The following ZNF445 variants were observed in gnomAD, a reference collection of about 807,000 sequenced individuals.
ZNF445 encodes the protein zinc finger protein 445, also known as zinc finger protein 168.
In ZNF445, 19 loss-of-function variants were observed where a neutral mutation model predicts 93.9. That is an observed-to-expected ratio of 0.20 (90% CI 0.14 to 0.30). The LOEUF (loss-of-function observed/expected upper bound fraction) is 0.30, where lower values mean the gene tolerates loss of function less well. Among genes scored for constraint, ZNF445 ranks in the 10% least tolerant of loss-of-function variants. ZNF445 has a pLI of 1.00. For synonymous variants in ZNF445, 449 were observed against 446.3 expected (o/e 1.01, Z -0.08); for missense variants, 1,058 against 1,259.4 (o/e 0.84, Z 2.42).
In ZNF445 at chr3:44,436,440, G is replaced by A. The variant is rs1697681110; in HGVS notation, c.*10135C>T. ...AGCATTTCCCACTGTAATGTGGCCT[G>A]TATAGAATATCTGGCACTCTCTACA... On this transcript the variant is annotated 3_prime_UTR_variant, in exon 8 of 8. Transcript: ENST00000396077. The A allele has an allele frequency of 6.6e-6, 1 of 152,200 alleles. No homozygotes were observed. The highest frequency in any genetic ancestry group is 2.1e-4 in the South Asian group (1 of 4,832). The allele number at this position is 152,200 out of a possible 1,614,324, so 9.4% of individuals were successfully genotyped here.
intron 3 of ZNF445, among the ~76,000 whole-genome samples, chr3:44,453,884 G>A (rs1289453093): frequency 6.6e-6 from 1 of 152,144 alleles, no homozygotes; most frequent in African/African-American, 2.4e-5. Context: ...ACAACTATGT[G>A]GCCACAGATG....
In ZNF445 at chr3:44,438,288, T is replaced by C. The variant is rs1697730202; in HGVS notation, c.*8287A>G. 6.6e-6 allele frequency: 1 copy of C among 151,852 alleles called. No homozygotes were observed. 9.4% of individuals were successfully genotyped at this position (151,852 alleles called of 1,614,324 possible). A position where few individuals can be genotyped will look rare whatever the true frequency, so the allele number is the denominator to read the frequency against. ...GATTCTCCTGCCTCAGCCTCCCCAG[T>C]AGCTAGGATTACAGGCACACACCAC... is the stretch of plus-strand genomic sequence containing the variant. On this transcript the variant is annotated 3_prime_UTR_variant, in exon 8 of 8. Transcript: ENST00000396077.
intron 1 of ZNF445, among the ~76,000 whole-genome samples, chr3:44,463,416 A>C (rs1331094011): frequency 6.6e-6 from 1 of 152,116 alleles, no homozygotes; most frequent in Non-Finnish European, 1.5e-5. Flanking sequence ...AAAACAGAGG[A>C]GGCACCACAG....
intron 1 of ZNF445, among the ~76,000 whole-genome samples, chr3:44,460,939 A>G (rs986857549): frequency 2.0e-5 from 3 of 152,220 alleles, no homozygotes; most frequent in African/African-American, 7.2e-5. Flanking sequence ...AGCCAGCCCA[A>G]GCAGCCACCT....
chr3:44,444,558 T>C lies in ZNF445; in HGVS notation c.*2017A>G, dbSNP rs912180675. ...CCTGCCCAGCCACTTCTAGTGCCAG[T>C]TTTGGGACAGTGAAGGGACATCTTC... On this transcript the variant is annotated 3_prime_UTR_variant, in exon 8 of 8. Coordinates refer to ENST00000396077, the MANE Select transcript of ZNF445 (RefSeq NM_181489.6). 8 of 152,198 alleles carry C rather than the reference T, an allele frequency of 5.3e-5. No individual in the cohort carries two copies. The highest frequency in any genetic ancestry group is 1.7e-4 in the African/African-American group (7 of 41,432). 9.4% of individuals were successfully genotyped at this position (152,198 alleles called of 1,614,324 possible). A position where few individuals can be genotyped will look rare whatever the true frequency, so the allele number is the denominator to read the frequency against.
At position 44,447,947 on chromosome 3, in the gene ZNF445, C is replaced by T. The variant is rs760119359; in HGVS notation, c.1724G>A (p.Arg575Lys). 1 of 1,613,364 alleles carries T rather than the reference C, an allele frequency of 6.2e-7. No homozygotes were observed. Among genetic ancestry groups the T allele is most frequent in the Admixed American group, 1.7e-5 (1 of 59,986 alleles). ...KKKFLELNQY[R>K]AALTYSSGFD... Reference sequence around the variant, plus strand: ...CCCTGAGCTGTAGGTGAGAGCTGCCCTATACTGATTCAATTCAAGAAATTT... The same window carrying T: ...CCCTGAGCTGTAGGTGAGAGCTGCCTTATACTGATTCAATTCAAGAAATTT... The change falls in exon 8 of 8, where the codon AGG (arginine) becomes AAG (lysine). Residue 575 changes from arginine (R) to lysine (K), a missense_variant. Around this residue, in one of 3 missense-constraint regions of ZNF445, gnomAD observed 657 missense variants for 746.4 expected, o/e 0.88. Transcript: ENST00000396077. The surrounding 1 kb of genome is among the most constrained non-coding windows in gnomAD (Gnocchi z 4.7).
chr3:44,433,756 G>C lies in ZNF445; in HGVS notation c.*12819C>G, dbSNP rs1487681297. 1 of 152,262 alleles carries C rather than the reference G, an allele frequency of 6.6e-6. No homozygotes were observed. The highest frequency in any genetic ancestry group is 1.5e-5 in the Non-Finnish European group (1 of 68,084). 9.4% of individuals were successfully genotyped at this position (152,262 alleles called of 1,614,324 possible). ...TCAGGCAGGACTGGCTTCACAGGCA[G>C]GCAGCCTGGGCAGCCCTGCGGGGCC... is the stretch of plus-strand genomic sequence containing the variant. On this transcript the variant is annotated 3_prime_UTR_variant, in exon 8 of 8. Coordinates refer to ENST00000396077, the MANE Select transcript of ZNF445 (RefSeq NM_181489.6).
intron 3 of ZNF445, among the ~76,000 whole-genome samples, chr3:44,454,123 G>A (rs1697992003): frequency 6.6e-6 from 1 of 151,408 alleles, no homozygotes; most frequent in Non-Finnish European, 1.5e-5. Context: ...GACCAGCCTG[G>A]CCAAAATGGT....
At position 44,434,893 on chromosome 3, in the gene ZNF445, CTG is replaced by C. The variant is rs1697645208; in HGVS notation, c.*11680_*11681del. 2 of 152,192 alleles carry C rather than the reference CTG, an allele frequency of 1.3e-5. No homozygotes were observed. 9.4% of individuals were successfully genotyped at this position (152,192 alleles called of 1,614,324 possible). On this transcript the variant is annotated 3_prime_UTR_variant, in exon 8 of 8. Coordinates refer to ENST00000396077, the MANE Select transcript of ZNF445 (RefSeq NM_181489.6). ...TAGCTGAAGGCTATGCTATTGAACA[CTG>C]TAACTCAACTTTTACGTGCTACCTT...
intron 1 of ZNF445, among the ~76,000 whole-genome samples, chr3:44,461,803 A>C (rs983601875): frequency 1.3e-5 from 2 of 152,182 alleles, no homozygotes; most frequent in African/African-American, 4.8e-5. Flanking sequence ...TGGGCAAATT[A>C]AGAATATTGC....
rs185585859 is a variant in ZNF445 at position 44,452,219 on chromosome 3, C to T, written c.430-737G>A. On this transcript the variant is annotated intron_variant, in intron 3 of 7. Transcript: ENST00000396077. ...ATTTGAGATTTTCTGGTCCTGTGGC[C>T]GAGACAGTCTTTATACCAATATGGA... Among the ~76,000 whole-genome samples, 53 of 152,142 alleles carry T rather than the reference C, an allele frequency of 3.5e-4. No individual in the cohort carries two copies. The East Asian group carries it at 9.6e-3, about 28-fold the overall frequency.
intron 1 of ZNF445, among the ~76,000 whole-genome samples, chr3:44,467,583 TGA>T (rs1390777055): frequency 6.6e-6 from 1 of 152,148 alleles, no homozygotes; most frequent in African/African-American, 2.4e-5. Context: ...CATAGGTATT[TGA>T]GAGTACAAAT....
In ZNF445 at chr3:44,441,462, G is replaced by GT. The variant is rs1178087187; in HGVS notation, c.*5112dup. 3 of 152,156 alleles carry GT rather than the reference G, an allele frequency of 2.0e-5. No individual in the cohort carries two copies. The highest frequency in any genetic ancestry group is 7.2e-5 in the African/African-American group (3 of 41,398). The allele number at this position is 152,156 out of a possible 1,614,324, so 9.4% of individuals were successfully genotyped here. A position where few individuals can be genotyped will look rare whatever the true frequency, so the allele number is the denominator to read the frequency against. ...ACCTCCTGGGAATGCAGCCCAGTAG[G>GT]TCTCAGCCTTATTTTACCCAGTTCC... On this transcript the variant is annotated 3_prime_UTR_variant, in exon 8 of 8. Coordinates refer to ENST00000396077, the MANE Select transcript of ZNF445 (RefSeq NM_181489.6).
Position 44,449,763 on chromosome 3 carries a change from G to C in ZNF445, c.821-140C>G, listed in dbSNP as rs1239537484. ...AGCAGAAGCTAGCGAAGGAGGCCCA[G>C]TCATTTCAAATAGCCCTGAGCAGAG... On this transcript the variant is annotated intron_variant, in intron 6 of 7. Transcript: ENST00000396077. 6.1e-6 allele frequency: 4 copies of C among 658,838 alleles called. No individual in the cohort carries two copies. In the East Asian group the frequency reaches 1.1e-4, roughly 18 times the overall value. The allele number at this position is 658,838 out of a possible 1,614,324, so 40.8% of individuals were successfully genotyped here.
intron 7 of ZNF445, among the ~76,000 whole-genome samples, 198 bp from the exon 8 acceptor site, chr3:44,448,937 A>T (rs1048212445): frequency 2.0e-5 from 3 of 152,256 alleles, no homozygotes; most frequent in Non-Finnish European, 4.4e-5. Context: ...CAAGATGGGC[A>T]GGGCAGCTAG....
At position 44,451,314 on chromosome 3, in the gene ZNF445, C is replaced by T. The variant is rs762104586; in HGVS notation, c.598G>A (p.Asp200Asn). 2 of 1,612,072 alleles carry T rather than the reference C, an allele frequency of 1.2e-6. No homozygotes were observed. The highest frequency in any genetic ancestry group is 8.5e-7 in the Non-Finnish European group (1 of 1,178,370). ...EARDFLAGQS[D>N]TPAAQMPALF... ...GGTCTTAAGGCCAGGCAGCAAGTAC[C>T]GGATTGCCCAGCCAGGAAGTCACGT... Residue 200 changes from aspartate to asparagine, a missense_variant and splice_region_variant, in exon 4 of 8, where the codon GAT (aspartate) becomes AAT (asparagine). Around this residue, in one of 3 missense-constraint regions of ZNF445, gnomAD observed 657 missense variants for 746.4 expected, o/e 0.88. Transcript: ENST00000396077.
At position 44,459,972 on chromosome 3, in the gene ZNF445, T is replaced by C. The variant is rs564156944; in HGVS notation, c.-268-1608A>G. Among the ~76,000 whole-genome samples the C allele has an allele frequency of 2.4e-4, 37 of 152,268 alleles. No individual in the cohort carries two copies. The South Asian group carries it at 6.4e-3, about 26-fold the overall frequency. The stretch of plus-strand genomic sequence containing the variant: ...ATTCTAGCACTTTAGGAGGCCAATA[T>C]GGGAGGATCACTTGAGCCCAGGAAT... On this transcript the variant is annotated intron_variant, in intron 1 of 7. Coordinates refer to ENST00000396077, the MANE Select transcript of ZNF445 (RefSeq NM_181489.6).
Position 44,443,747 on chromosome 3 carries a change from C to T in ZNF445, c.*2828G>A, listed in dbSNP as rs903392527. ...CTCTAGCCTGGGTAACAGAGTGAGA[C>T]TCCGTATCAAAAAAAAAAAAAAATT... On this transcript the variant is annotated 3_prime_UTR_variant, in exon 8 of 8. Coordinates refer to ENST00000396077, the MANE Select transcript of ZNF445 (RefSeq NM_181489.6). 4 of 147,378 alleles carry T rather than the reference C, an allele frequency of 2.7e-5. 1 individual carries two copies. The highest frequency in any genetic ancestry group is 4.3e-4 in the South Asian group (2 of 4,622). The allele number at this position is 147,378 out of a possible 1,614,324, so 9.1% of individuals were successfully genotyped here. A position where few individuals can be genotyped will look rare whatever the true frequency, so the allele number is the denominator to read the frequency against.
Position 44,473,986 on chromosome 3 carries a change from G to T in ZNF445, c.-269+3605C>A, listed in dbSNP as rs145763014. 2.5e-4 allele frequency among the ~76,000 whole-genome samples: 38 copies of T among 152,282 alleles called. No homozygotes were observed. In the East Asian group the frequency reaches 5.4e-3, roughly 22 times the overall value. On this transcript the variant is annotated intron_variant, in intron 1 of 7. Transcript: ENST00000396077. ...GTAAGTATCCAATGAATGCCTAGAA[G>T]GAATGAAGGAAAGAGAAAGTCAAAT...
Sources: gnomAD v4.1 joint callset for allele counts (sites outside exome capture counted in the v4.1 genomes callset) on GRCh38, gnomAD v4.1.1 for gene constraint, gnomAD v4.1.1 regional missense constraint, Gnocchi (gnomAD v3.1) non-coding constraint, MANE v1.5 for transcripts, NCBI Gene and HGNC (gene_info 2026-07-23, HGNC 2026-07-21) for gene names.